The following AGMO variants were observed in gnomAD, a reference collection of about 807,000 sequenced individuals.
The protein encoded by AGMO is alkylglycerol monooxygenase.
Under a neutral mutation model 60.2 loss-of-function variants are expected in AGMO, and 75 were observed. The observed-to-expected ratio is 1.25, with a 90% CI of 1.03 to 1.51. The LOEUF is 1.51. Among genes scored for constraint, AGMO ranks in the 40% most tolerant of loss-of-function variants. The pLI, the probability that AGMO is intolerant of heterozygous loss-of-function variation, is 0.00. For missense variants in AGMO, 763 were observed against 525.5 expected, an observed-to-expected ratio of 1.45 and a Z score of -4.42; for synonymous variants, 261 against 177.1, an observed-to-expected ratio of 1.47 and a Z score of -3.76.
intron 3 of AGMO, among the ~76,000 whole-genome samples, chr7:15,437,162 A>C (rs1781425652): frequency 6.6e-6 from 1 of 152,218 alleles, no homozygotes; most frequent in Non-Finnish European, 1.5e-5. Context: ...CATGAATAAC[A>C]ATAAATATAC....
chr7:15,343,089 T>A (rs1307815737), intron 12 of AGMO, among the ~76,000 whole-genome samples: 1 of 152,150 alleles, frequency 6.6e-6, no homozygotes, highest in African/African-American at 2.4e-5. Flanking sequence ...TTTTATATTT[T>A]CCTATAGCAA....
chr7:15,312,668 A>T (rs1780801834), intron 12 of AGMO, among the ~76,000 whole-genome samples: 1 of 152,018 alleles, frequency 6.6e-6, no homozygotes, highest in Non-Finnish European at 1.5e-5. Context: ...CTGCTATCAG[A>T]CACTCACTAA....
At chr7:15,389,097 C>CA (rs1219453394) in intron 8 of AGMO, among the ~76,000 whole-genome samples, 2 of 152,164 alleles carry the variant, frequency 1.3e-5, no homozygotes, top group Non-Finnish European at 2.9e-5. Flanking sequence ...TTTTCCTCAG[C>CA]AAGACTGTAC....
chr7:15,501,861 A>G (rs1195976039), intron 3 of AGMO, among the ~76,000 whole-genome samples: 1 of 151,410 alleles, frequency 6.6e-6, no homozygotes, highest in Non-Finnish European at 1.5e-5. Flanking sequence ...TGAGCTGCAG[A>G]AAAAAAAATT....
the AGMO span, among the ~76,000 whole-genome samples, chr7:15,176,519 GT>G: frequency 6.6e-6 from 1 of 151,850 alleles, no homozygotes; most frequent in African/African-American, 2.4e-5. Flanking sequence ...CATGAGAATA[GT>G]TTTTCCCCCT....
At chr7:15,483,332 C>G (rs779094553) in intron 3 of AGMO, among the ~76,000 whole-genome samples, 1 of 151,992 alleles carries the variant, frequency 6.6e-6, no homozygotes, top group Non-Finnish European at 1.5e-5. Flanking sequence ...CTTGGGAGGC[C>G]GAGGCGGGCG....
At chr7:15,345,484 C>T (rs1336828861) in intron 12 of AGMO, among the ~76,000 whole-genome samples, 1 of 152,134 alleles carries the variant, frequency 6.6e-6, no homozygotes, top group Non-Finnish European at 1.5e-5. Flanking sequence ...TTATGTTTCC[C>T]TTCTAAGTTC....
intron 10 of AGMO, among the ~76,000 whole-genome samples, chr7:15,375,354 T>G (rs1361362713): frequency 6.6e-6 from 1 of 151,438 alleles, no homozygotes; most frequent in Admixed American, 6.6e-5. Context: ...AAAGACTGTT[T>G]CAGAGACAGA....
At chr7:15,164,812 A>C in the AGMO span, among the ~76,000 whole-genome samples, 13 of 152,168 alleles carry the variant, frequency 8.5e-5, no homozygotes, top group African/African-American at 3.1e-4. Flanking sequence ...GTAAAGTACA[A>C]CCTCTATGGA....
chr7:15,289,290 T>G (rs1343917808), intron 12 of AGMO, among the ~76,000 whole-genome samples: 1 of 151,646 alleles, frequency 6.6e-6, no homozygotes, highest in Non-Finnish European at 1.5e-5. Flanking sequence ...TAATTGTTTC[T>G]TTATAGAATT....
chr7:15,485,177 G>A (rs1355370502), intron 3 of AGMO, among the ~76,000 whole-genome samples: 1 of 150,556 alleles, frequency 6.6e-6, no homozygotes, highest in Non-Finnish European at 1.5e-5. Flanking sequence ...CATTAGCAGG[G>A]CGTGATGGCG....
chr7:15,226,697 C>A (rs1025555934), intron 12 of AGMO, among the ~76,000 whole-genome samples: 1 of 152,026 alleles, frequency 6.6e-6, no homozygotes, highest in Non-Finnish European at 1.5e-5. Flanking sequence ...CTCACTGACC[C>A]ACAGCAAATC....
At chr7:15,248,179 C>CACATAT (rs1782807415) in intron 12 of AGMO, among the ~76,000 whole-genome samples, 1 of 32,624 alleles carries the variant, frequency 3.1e-5, no homozygotes, top group Non-Finnish European at 9.9e-5. Flanking sequence ...GATCCAGCAC[C>CACATAT]ATATATATAT....
At chr7:15,431,773 A>G (rs954780567) in intron 3 of AGMO, among the ~76,000 whole-genome samples, 5 of 151,812 alleles carry the variant, frequency 3.3e-5, no homozygotes, top group Admixed American at 6.6e-5. Flanking sequence ...TGTGTTCATA[A>G]AAAAGGAAAA....
chr7:15,358,693 G>A (rs1352795920), intron 12 of AGMO, among the ~76,000 whole-genome samples: 2 of 152,146 alleles, frequency 1.3e-5, no homozygotes, highest in Non-Finnish European at 2.9e-5. Context: ...TCAAATTCAT[G>A]TATTCTCTGA....
chr7:15,457,061 CT>C (rs756027792), intron 3 of AGMO, among the ~76,000 whole-genome samples: 1 of 152,056 alleles, frequency 6.6e-6, no homozygotes, highest in Non-Finnish European at 1.5e-5. Flanking sequence ...TGAGGTTATC[CT>C]TTCATAATAT....
chr7:15,210,529 TA>T (rs928039027), intron 12 of AGMO, among the ~76,000 whole-genome samples: 1 of 152,104 alleles, frequency 6.6e-6, no homozygotes, highest in Admixed American at 6.6e-5. Context: ...CAGAGTATTT[TA>T]AAAAATGATT....
chr7:15,299,036 G>C (rs963628805), intron 12 of AGMO, among the ~76,000 whole-genome samples: 3 of 151,982 alleles, frequency 2.0e-5, no homozygotes, highest in African/African-American at 7.3e-5. Context: ...CTCAGCTCAA[G>C]TGTTACCTCT....
chr7:15,440,985 G>A (rs9942615), intron 3 of AGMO, among the ~76,000 whole-genome samples: 58,671 of 152,046 alleles, frequency 0.39, 12,173 homozygotes, highest in Non-Finnish European at 0.48. Context: ...CTCTGGATTC[G>A]AACTTGGACT....
Sources: allele counts gnomAD v4.1 joint callset (sites outside exome capture counted in the v4.1 genomes callset), GRCh38; gene constraint gnomAD v4.1.1; transcripts MANE v1.5; gene names NCBI Gene and HGNC (gene_info 2026-07-23, HGNC 2026-07-21).